The following DDX52 variants were observed in gnomAD, a reference collection of about 807,000 sequenced individuals.
DDX52 encodes DExD-box helicase 52, also known as probable ATP-dependent RNA helicase DDX52.
DDX52 carries 59 observed loss-of-function variants against 76.1 expected under a neutral mutation model. That is an observed-to-expected ratio of 0.78 (90% confidence interval 0.63 to 0.96). The LOEUF (loss-of-function observed/expected upper bound fraction) is 0.96. Among genes scored for constraint, DDX52 ranks in the 40% least tolerant of loss-of-function variants. The pLI is 0.00. For missense variants in DDX52, 707 were observed against 703.9 expected (o/e 1.00, Z -0.05); for synonymous variants, 231 against 244.1 (o/e 0.95, Z 0.50).
At chr17:37,621,577 A>G in intron 9 of DDX52, 57 bp from the exon 10 acceptor site, 1 of 1,539,640 alleles carries the variant, frequency 6.5e-7, no homozygotes, top group Non-Finnish European at 8.7e-7. Context: ...ATTGGTCATT[A>G]TTTCATAATT....
At chr17:37,617,746 G>A (rs1184205234) in intron 14 of DDX52, among the ~76,000 whole-genome samples, 5 of 150,088 alleles carry the variant, frequency 3.3e-5, no homozygotes, top group East Asian at 2.0e-4. Context: ...AGTATAATTC[G>A]AATTTATAGA....
chr17:37,641,554 T>C (rs58052101), intron 2 of DDX52, among the ~76,000 whole-genome samples: 6,903 of 151,904 alleles, frequency 0.045, 498 homozygotes, highest in African/African-American at 0.15. Context: ...GTGGCCAACA[T>C]GGTGAAACCC....
In DDX52 at chr17:37,628,616, G is replaced by T. The variant is rs773619147; in HGVS notation, c.804C>A (p.Ile268=). The change falls in exon 6 of 15, where the codon ATC becomes ATA. Residue 268 remains isoleucine, a synonymous_variant. Coordinates refer to ENST00000617633, the MANE Select transcript of DDX52 (RefSeq NM_007010.5). ...TCTTGGCTGCCACTGCTGCTTTGTG[G>T]ATCATGTGTATTCTGAATCCTGTTC... The part of the protein sequence containing the change: ...SEGTGFRIHM[I]HKAAVAAKKF... 1.2e-6 allele frequency: 2 copies of T among 1,611,540 alleles called. No homozygotes were observed. The highest frequency in any genetic ancestry group is 1.7e-6 in the Non-Finnish European group (2 of 1,179,298).
At chr17:37,621,658 T>A in intron 9 of DDX52, 138 bp from the exon 10 acceptor site, 1 of 1,069,192 alleles carries the variant, frequency 9.4e-7, no homozygotes, top group Non-Finnish European at 1.3e-6. Context: ...GCTAGTGGTC[T>A]AATTCTGCCT....
chr17:37,631,672 A>G (rs2030688068), intron 4 of DDX52: 1 of 162,730 alleles, frequency 6.1e-6, no homozygotes, highest in Admixed American at 5.9e-5. Context: ...GTTTATGTAC[A>G]AGAACTTTAG....
intron 4 of DDX52, chr17:37,631,494 A>T (rs1287875033): frequency 6.5e-6 from 1 of 152,758 alleles, no homozygotes; most frequent in African/African-American, 2.4e-5. Flanking sequence ...TGGAAAGGGC[A>T]CAAGAAAATT....
chr17:37,627,776 T>G (rs1460349606), intron 6 of DDX52, among the ~76,000 whole-genome samples: 3 of 151,988 alleles, frequency 2.0e-5, no homozygotes, highest in Middle Eastern at 3.4e-3. Flanking sequence ...CCGTTCTTTT[T>G]GTTTTTTTTA....
intron 6 of DDX52, 94 bp downstream of exon 6, chr17:37,628,467 C>T: frequency 9.5e-7 from 1 of 1,057,054 alleles, no homozygotes; most frequent in Non-Finnish European, 1.4e-6. Context: ...ACATACATGA[C>T]TATACTTTAA....
At position 37,621,295 on chromosome 17, in the gene DDX52, T is replaced by C. The variant is rs2030076209; in HGVS notation, c.1351-18A>G. The C allele has an allele frequency of 6.3e-7, 1 of 1,597,098 alleles. No homozygotes were observed. The highest frequency in any genetic ancestry group is 8.5e-7 in the Non-Finnish European group (1 of 1,173,610). ...TTATCTCTCTGGTTAACAGAATATA[T>C]ATTAAATTGTTTTAGAATGAAAACA... is the stretch of plus-strand genomic sequence containing the variant. On this transcript the variant is annotated intron_variant, in intron 10 of 14. Transcript: ENST00000617633.
chr17:37,638,774 T>C (rs1368719373), intron 2 of DDX52, among the ~76,000 whole-genome samples: 4 of 148,194 alleles, frequency 2.7e-5, no homozygotes, highest in African/African-American at 7.4e-5. Flanking sequence ...TTTTTTCTTT[T>C]TTTTTTTTTT....
At chr17:37,624,647 C>T (rs970594002) in intron 8 of DDX52, among the ~76,000 whole-genome samples, 2 of 152,024 alleles carry the variant, frequency 1.3e-5, no homozygotes, top group East Asian at 1.9e-4. Context: ...CTTGAAATGC[C>T]ACCCATTAAA....
chr17:37,628,525 C>G, intron 6 of DDX52, 36 bp downstream of exon 6: 1 of 1,479,246 alleles, frequency 6.8e-7, no homozygotes, highest in Non-Finnish European at 9.4e-7. Flanking sequence ...AGATTCCTTA[C>G]ATGCTCTATC....
intron 9 of DDX52, 173 bp downstream of exon 9, chr17:37,624,171 G>A (rs145946345): frequency 6.9e-4 from 291 of 420,534 alleles, no homozygotes; most frequent in African/African-American, 5.4e-3. Flanking sequence ...TACTAAATAC[G>A]ATGCAGGATG....
intron 6 of DDX52, 139 bp downstream of exon 6, chr17:37,628,422 G>A (rs1358850919): frequency 1.5e-6 from 1 of 651,174 alleles, no homozygotes; most frequent in Non-Finnish European, 2.6e-6. Context: ...AGTGAGAAGG[G>A]GATCGCTTTA....
At chr17:37,641,388 C>T (rs373465243) in intron 2 of DDX52, among the ~76,000 whole-genome samples, 4 of 146,368 alleles carry the variant, frequency 2.7e-5, no homozygotes, top group African/African-American at 7.6e-5. Flanking sequence ...GGCAACAAAG[C>T]GAGACTCATC....
chr17:37,619,759 A>G lies in DDX52; in HGVS notation c.1649+9T>C. The G allele has an allele frequency of 6.2e-7, 1 of 1,609,400 alleles. No individual in the cohort carries two copies. Among genetic ancestry groups the G allele is most frequent in the Non-Finnish European group, 8.5e-7 (1 of 1,177,656 alleles). On this transcript the variant is annotated intron_variant, in intron 13 of 14. Transcript: ENST00000617633. ...ACAGACAAAGATACAGGTAAATTCA[A>G]GATTGTACCTTAGTAGTTTCTGAAA...
rs2064332852 is a variant in DDX52, at chr17:37,610,887, A to G, written c.*3409T>C. 6.6e-6 allele frequency: 1 copy of G among 152,226 alleles called. No homozygotes were observed. The highest frequency in any genetic ancestry group is 1.5e-5 in the Non-Finnish European group (1 of 68,040). 9.4% of individuals were successfully genotyped at this position (152,226 alleles called of 1,614,324 possible). On this transcript the variant is annotated 3_prime_UTR_variant, in exon 15 of 15. Coordinates refer to ENST00000617633, the MANE Select transcript of DDX52 (RefSeq NM_007010.5). ...TCCTTCCCTTCCTTGTGTGAAGCTGAAATTTATGTAGCACATAGTTCCAAC... is the reference window on the plus strand; with the variant it reads ...TCCTTCCCTTCCTTGTGTGAAGCTGGAATTTATGTAGCACATAGTTCCAAC...
chr17:37,621,038 C>T, intron 11 of DDX52, 89 bp downstream of exon 11: 1 of 1,558,414 alleles, frequency 6.4e-7, no homozygotes, highest in Non-Finnish European at 8.6e-7. Flanking sequence ...TTTCACAGCA[C>T]TAAGAAGTGA....
At position 37,633,328 on chromosome 17, in the gene DDX52, T is replaced by C. The variant is rs764507357; in HGVS notation, c.377A>G (p.Lys126Arg). 1.6e-5 allele frequency: 25 copies of C among 1,611,790 alleles called. No homozygotes were observed. Among genetic ancestry groups the C allele is most frequent in the Non-Finnish European group, 2.0e-5 (23 of 1,179,202 alleles). ...ATTCTCCAACTTTCCGGAAGTTAGT[T>C]TACTTTCTCTCTGAACTTTTTTGTC... ...IEDKKVQRES[K>R]LTSGKLENLR... is the part of the protein sequence containing the mutation. Residue 126 changes from lysine to arginine, a missense_variant, in exon 3 of 15, where the codon AAA becomes AGA. Lys to Arg is a conservative substitution (Grantham distance 26). Transcript: ENST00000617633.
Sources: allele counts gnomAD v4.1 joint callset (sites outside exome capture counted in the v4.1 genomes callset), GRCh38; gene constraint gnomAD v4.1.1; transcripts MANE v1.5; gene names NCBI Gene and HGNC (gene_info 2026-07-23, HGNC 2026-07-21).